The following SH3GLB1 variants were observed in gnomAD, a reference collection of about 807,000 sequenced individuals.
The protein encoded by SH3GLB1 is endophilin-B1.
A neutral mutation model predicts 42.0 loss-of-function variants in SH3GLB1; 17 were observed. The observed-to-expected ratio is 0.40, with a 90% confidence interval of 0.28 to 0.61. The LOEUF (loss-of-function observed/expected upper bound fraction) is 0.61. Ranked by LOEUF, SH3GLB1 falls within the 20% of genes least tolerant of loss-of-function variation. The pLI, the probability that SH3GLB1 is intolerant of heterozygous loss-of-function variation, is 0.36. For missense variants in SH3GLB1, 355 were observed against 426.3 expected, an observed-to-expected ratio of 0.83 and a Z score of 1.47; for synonymous variants, 132 against 146.6, an observed-to-expected ratio of 0.90 and a Z score of 0.72.
At chr1:86,737,423 A>G (rs571548145) in intron 7 of SH3GLB1, among the ~76,000 whole-genome samples, 2 of 152,344 alleles carry the variant, frequency 1.3e-5, no homozygotes, top group East Asian at 3.9e-4. Flanking sequence ...TAAAAAAGCC[A>G]TGTGTATATA....
intron 7 of SH3GLB1, among the ~76,000 whole-genome samples, chr1:86,739,503 A>G (rs1236162195): frequency 1.3e-5 from 2 of 152,198 alleles, no homozygotes; most frequent in Non-Finnish European, 2.9e-5. Context: ...AGTTTTGGTG[A>G]AACAGTAGGC....
At chr1:86,724,882 A>ATATATATATATATATAT (rs1429770726) in intron 5 of SH3GLB1, among the ~76,000 whole-genome samples, 20 of 106,018 alleles carry the variant, frequency 1.9e-4, no homozygotes, top group African/African-American at 9.8e-4. Flanking sequence ...TTTAAAAAAA[A>ATATATATATATATATAT]AAAAAAAAAA....
At chr1:86,725,945 T>A (rs1471691109) in intron 5 of SH3GLB1, among the ~76,000 whole-genome samples, 2 of 152,138 alleles carry the variant, frequency 1.3e-5, no homozygotes, top group Non-Finnish European at 2.9e-5. Flanking sequence ...CATTACATCA[T>A]TATCACAAAC....
intron 7 of SH3GLB1, among the ~76,000 whole-genome samples, chr1:86,736,181 T>C (rs1295936868): frequency 6.6e-6 from 1 of 152,170 alleles, no homozygotes; most frequent in Non-Finnish European, 1.5e-5. Context: ...GGTCATACCA[T>C]GAATGGCTTT....
chr1:86,735,829 G>A (rs1002980152), intron 7 of SH3GLB1, among the ~76,000 whole-genome samples: 2 of 152,186 alleles, frequency 1.3e-5, no homozygotes, highest in Non-Finnish European at 2.9e-5. Flanking sequence ...GGCAAACATG[G>A]TCTCTGCTCT....
intron 5 of SH3GLB1, 83 bp from the exon 6 acceptor site, chr1:86,734,519 A>T (rs997723071): frequency 1.0e-6 from 1 of 985,844 alleles, no homozygotes; most frequent in Non-Finnish European, 1.5e-6. Flanking sequence ...TGTTCGGGGG[A>T]TTTTTTTTAA....
intron 5 of SH3GLB1, among the ~76,000 whole-genome samples, chr1:86,729,265 T>A (rs550449559): frequency 2.0e-5 from 3 of 152,304 alleles, no homozygotes. Flanking sequence ...GCAGTACAGC[T>A]AATACATTGG....
In SH3GLB1 at chr1:86,735,134, C is replaced by A. The variant is rs1454377376; in HGVS notation, c.716C>A (p.Ala239Glu). ...GTAGAAGCCCAGATGACTTACTATG[C>A]ACAGTGTTACCAGTATATGTTGGAC... ...DFVEAQMTYY[A>E]QCYQYMLDLQ... is the part of the protein sequence containing the mutation. Residue 239 changes from alanine (A) to glutamate (E), a missense_variant, in exon 7 of 9, where the codon GCA (alanine) becomes GAA (glutamate). Ala to Glu is a moderately radical substitution (Grantham distance 107). Coordinates refer to ENST00000370558, the MANE Select transcript of SH3GLB1 (RefSeq NM_016009.5). The A allele has an allele frequency of 6.2e-7, 1 of 1,612,960 alleles. No individual in the cohort carries two copies.
intron 7 of SH3GLB1, among the ~76,000 whole-genome samples, chr1:86,735,468 A>G (rs1323252074): frequency 6.6e-6 from 1 of 152,162 alleles, no homozygotes; most frequent in Non-Finnish European, 1.5e-5. Context: ...ACTTTTTGCT[A>G]TTGGTTGAGG....
chr1:86,719,590 T>A lies in SH3GLB1; in HGVS notation c.298T>A (p.Tyr100Asn), dbSNP rs774149973. ...AAACAACCCAGAACTTTTGGGACAA[T>A]ATATGATTGATGCAGGGACTGAGTT... Reference protein sequence around the residue: ...RINNPELLGQYMIDAGTEFGP... With the variant: ...RINNPELLGQNMIDAGTEFGP... The change falls in exon 3 of 9, where the codon TAT becomes AAT. Residue 100 changes from tyrosine to asparagine, a missense_variant. Coordinates refer to ENST00000370558, the MANE Select transcript of SH3GLB1 (RefSeq NM_016009.5). The A allele has an allele frequency of 4.3e-6, 7 of 1,611,250 alleles. No individual in the cohort carries two copies. The highest frequency in any genetic ancestry group is 5.9e-6 in the Non-Finnish European group (7 of 1,178,700).
Position 86,719,560 on chromosome 1 carries a change from C to A in SH3GLB1, c.268C>A (p.Arg90Ser). Residue 90 changes from arginine to serine, a missense_variant, in exon 3 of 9, where the codon CGT becomes AGT. Physicochemically the swap from Arg to Ser is moderately radical, Grantham distance 110 (BLOSUM62 -1). Coordinates refer to ENST00000370558, the MANE Select transcript of SH3GLB1 (RefSeq NM_016009.5). ...GAAACTGGATAGAAAAGCTCCAAGT[C>A]GTATAAACAACCCAGAACTTTTGGG... is the stretch of plus-strand genomic sequence containing the variant. ...YEKLDRKAPSRINNPELLGQY... is the reference protein window; with the variant it reads ...YEKLDRKAPSSINNPELLGQY... 2 of 1,610,284 alleles carry A rather than the reference C, an allele frequency of 1.2e-6. No homozygotes were observed. Among genetic ancestry groups the A allele is most frequent in the Non-Finnish European group, 8.5e-7 (1 of 1,178,080 alleles).
chr1:86,710,227 C>T (rs1654122506), intron 1 of SH3GLB1, among the ~76,000 whole-genome samples: 2 of 151,846 alleles, frequency 1.3e-5, no homozygotes, highest in South Asian at 4.2e-4. Flanking sequence ...ATTAGAAAAT[C>T]TATAAAACTC....
intron 5 of SH3GLB1, chr1:86,734,194 G>GT (rs1319401985): frequency 5.8e-5 from 9 of 154,096 alleles, no homozygotes; most frequent in African/African-American, 2.2e-4. Flanking sequence ...AGTAAAAACT[G>GT]TAGTAATAAT....
chr1:86,735,412 G>A (rs570992854), intron 7 of SH3GLB1, among the ~76,000 whole-genome samples: 2 of 152,256 alleles, frequency 1.3e-5, no homozygotes, highest in South Asian at 4.1e-4. Flanking sequence ...TTTCAGTGCT[G>A]TAAGGTTAAA....
chr1:86,724,471 C>A, intron 5 of SH3GLB1, 66 bp downstream of exon 5: 1 of 1,252,872 alleles, frequency 8.0e-7, no homozygotes, highest in Non-Finnish European at 1.1e-6. Flanking sequence ...TGCTAATAAA[C>A]CATGAAAGAT....
At chr1:86,740,166 AG>A (rs2101987532) in intron 7 of SH3GLB1, among the ~76,000 whole-genome samples, 1 of 150,792 alleles carries the variant, frequency 6.6e-6, no homozygotes, top group Admixed American at 6.6e-5. Context: ...AAAAAAAAGG[AG>A]TTCCTGATTG....
intron 5 of SH3GLB1, among the ~76,000 whole-genome samples, chr1:86,724,914 A>ATATATATAT (rs1558315388): frequency 2.3e-4 from 28 of 119,922 alleles, no homozygotes; most frequent in East Asian, 4.5e-4. Context: ...TATATATATA[A>ATATATATAT]AATATATAAT....
intron 1 of SH3GLB1, among the ~76,000 whole-genome samples, chr1:86,705,563 A>G (rs1331997969): frequency 6.6e-6 from 1 of 152,168 alleles, no homozygotes; most frequent in Non-Finnish European, 1.5e-5. Flanking sequence ...CAAGAAACCT[A>G]GGGTTGGGGG....
chr1:86,713,116 CTATTT>C (rs1219400679), intron 1 of SH3GLB1, among the ~76,000 whole-genome samples: 4 of 151,884 alleles, frequency 2.6e-5, no homozygotes, highest in Non-Finnish European at 5.9e-5. Flanking sequence ...AATTCAGTGA[CTATTT>C]TATTTTATAT....
Sources: gnomAD v4.1 joint callset for allele counts (sites outside exome capture counted in the v4.1 genomes callset) on GRCh38, gnomAD v4.1.1 for gene constraint, MANE v1.5 for transcripts, NCBI Gene and HGNC (gene_info 2026-07-23, HGNC 2026-07-21) for gene names.